ADCY8: variants seen among roughly 807,000 people sequenced by gnomAD.
ADCY8 encodes the protein adenylate cyclase type 8.
A neutral mutation model predicts 119.7 loss-of-function variants in ADCY8; 51 were observed. That is an observed-to-expected ratio of 0.43 (90% CI 0.34 to 0.54). ADCY8 has a LOEUF of 0.54. ADCY8 is among the 20% of genes least tolerant of loss of function. The pLI, the probability that ADCY8 is intolerant of heterozygous loss-of-function variation, is 0.03. For missense variants in ADCY8, 1,383 were observed against 1,598.8 expected, an observed-to-expected ratio of 0.87 and a Z score of 2.30; for synonymous variants, 665 against 651.0, an observed-to-expected ratio of 1.02 and a Z score of -0.33.
At chr8:130,937,268 A>C in intron 4 of ADCY8, 68 bp from the exon 5 acceptor site, 1 of 1,531,550 alleles carries the variant, frequency 6.5e-7, no homozygotes, top group Non-Finnish European at 8.8e-7. Flanking sequence ...GAAAGGCTTG[A>C]GAAAGAGGCG....
chr8:130,975,146 A>G (rs1822033825), intron 2 of ADCY8, among the ~76,000 whole-genome samples: 1 of 152,190 alleles, frequency 6.6e-6, no homozygotes, highest in Admixed American at 6.5e-5. Flanking sequence ...AGGTGAGAGG[A>G]GAAGGAAGGC....
intron 1 of ADCY8, among the ~76,000 whole-genome samples, chr8:131,024,259 G>A (rs769659293): frequency 1.3e-5 from 2 of 150,740 alleles, no homozygotes; most frequent in African/African-American, 5.0e-5. Context: ...ACACAACTGT[G>A]TTATAGGAAT....
chr8:130,951,841 C>T (rs934651872), intron 3 of ADCY8, 27 bp downstream of exon 3: 6 of 1,612,694 alleles, frequency 3.7e-6, no homozygotes, highest in Non-Finnish European at 5.1e-6. Context: ...CATGCAAGAG[C>T]CGGGGCAAGG....
At chr8:131,007,361 A>C (rs1008470030) in intron 1 of ADCY8, among the ~76,000 whole-genome samples, 2 of 152,138 alleles carry the variant, frequency 1.3e-5, no homozygotes, top group Non-Finnish European at 2.9e-5. Flanking sequence ...GATGGGGACT[A>C]TTTTACCTGC....
chr8:130,829,501 T>C (rs1453050373), intron 12 of ADCY8, among the ~76,000 whole-genome samples: 4 of 152,230 alleles, frequency 2.6e-5, no homozygotes, highest in Non-Finnish European at 4.4e-5. Context: ...GGATCTTGTA[T>C]GATAAATACT....
intron 11 of ADCY8, among the ~76,000 whole-genome samples, chr8:130,840,676 T>A (rs1237300447): frequency 1.3e-5 from 2 of 152,180 alleles, no homozygotes. Context: ...AGTTTTATTT[T>A]AATGTGCAAT....
At chr8:130,864,928 A>C (rs1156290044) in intron 9 of ADCY8, among the ~76,000 whole-genome samples, 2 of 151,940 alleles carry the variant, frequency 1.3e-5, no homozygotes, top group Non-Finnish European at 2.9e-5. Context: ...AACTGTTCAT[A>C]TTGTATCAGG....
intron 2 of ADCY8, among the ~76,000 whole-genome samples, chr8:130,981,808 T>C (rs1044353017): frequency 6.6e-6 from 1 of 152,226 alleles, no homozygotes; most frequent in Non-Finnish European, 1.5e-5. Context: ...AAACTTAGGA[T>C]ATGGCCTGGG....
intron 1 of ADCY8, among the ~76,000 whole-genome samples, chr8:131,019,576 C>G (rs1823588049): frequency 6.6e-6 from 1 of 152,188 alleles, no homozygotes; most frequent in Non-Finnish European, 1.5e-5. Flanking sequence ...CTTAATCCAA[C>G]CCAGGTATAT....
chr8:131,006,123 C>T (rs559535060), intron 1 of ADCY8, among the ~76,000 whole-genome samples: 1 of 152,250 alleles, frequency 6.6e-6, no homozygotes, highest in Admixed American at 6.5e-5. Context: ...GCTTCTCTTT[C>T]CCTGAAAGCC....
intron 12 of ADCY8, among the ~76,000 whole-genome samples, chr8:130,822,993 G>A (rs754603804): frequency 6.6e-6 from 1 of 152,168 alleles, no homozygotes; most frequent in African/African-American, 2.4e-5. Flanking sequence ...AAAGTCACTT[G>A]TTCACATTGC....
At chr8:130,858,563 G>A (rs1437338470) in intron 9 of ADCY8, among the ~76,000 whole-genome samples, 1 of 152,064 alleles carries the variant, frequency 6.6e-6, no homozygotes, top group Non-Finnish European at 1.5e-5. Flanking sequence ...TCCCCTGGCT[G>A]AGGTAGTGCT....
chr8:130,991,071 T>G (rs549538767), intron 1 of ADCY8, among the ~76,000 whole-genome samples: 2 of 152,340 alleles, frequency 1.3e-5, no homozygotes, highest in East Asian at 3.9e-4. Context: ...TTCTATTGCT[T>G]TTCATCTCCA....
intron 1 of ADCY8, among the ~76,000 whole-genome samples, chr8:131,033,851 T>C (rs1229841061): frequency 3.3e-5 from 5 of 151,620 alleles, no homozygotes; most frequent in Non-Finnish European, 7.4e-5. Flanking sequence ...TCTGGGTATC[T>C]TTTACAAGTA....
At chr8:130,977,727 A>G (rs1312004871) in intron 2 of ADCY8, among the ~76,000 whole-genome samples, 3 of 152,228 alleles carry the variant, frequency 2.0e-5, no homozygotes, top group African/African-American at 7.2e-5. Context: ...TGAGGCACAG[A>G]GAGGTTAGGT....
At chr8:130,810,333 T>C (rs953307125) in intron 14 of ADCY8, among the ~76,000 whole-genome samples, 7 of 141,046 alleles carry the variant, frequency 5.0e-5, no homozygotes, top group African/African-American at 1.9e-4. Context: ...TGACTCTGTC[T>C]TTCTCTCTTT....
At chr8:130,993,572 C>T (rs992756430) in intron 1 of ADCY8, among the ~76,000 whole-genome samples, 2 of 152,174 alleles carry the variant, frequency 1.3e-5, no homozygotes, top group African/African-American at 4.8e-5. Flanking sequence ...AAAATTAAAT[C>T]ATGGCTATGG....
At chr8:130,798,720 T>C (rs574203010) in intron 15 of ADCY8, among the ~76,000 whole-genome samples, 19 of 152,220 alleles carry the variant, frequency 1.2e-4, no homozygotes, top group African/African-American at 4.6e-4. Flanking sequence ...ATGGTCTGAA[T>C]CAAGGTAAAA....
At chr8:130,944,906 CAAAAAG>C (rs935032834) in intron 3 of ADCY8, among the ~76,000 whole-genome samples, 5 of 151,998 alleles carry the variant, frequency 3.3e-5, no homozygotes, top group African/African-American at 1.2e-4. Context: ...GCTGGAAAGA[CAAAAAG>C]AAAAATGGAA....
Sources: allele counts gnomAD v4.1 joint callset (sites outside exome capture counted in the v4.1 genomes callset), GRCh38; gene constraint gnomAD v4.1.1; transcripts MANE v1.5; gene names NCBI Gene and HGNC (gene_info 2026-07-23, HGNC 2026-07-21).